The following PLA2G5 variants were observed in gnomAD, a reference collection of about 807,000 sequenced individuals.
PLA2G5 encodes the protein Ca2+-dependent phospholipase A2.
A neutral mutation model predicts 15.9 loss-of-function variants in PLA2G5; 12 were observed. The ratio of observed to expected loss-of-function variants is 0.76; its 90% confidence interval spans 0.48 to 1.23. The LOEUF (loss-of-function observed/expected upper bound fraction) is 1.23, where lower values mean the gene tolerates loss of function less well. PLA2G5 is among the 50% of genes most tolerant of loss of function. The probability of loss-of-function intolerance (pLI) is 0.00; values close to 1 mark genes in which losing one functional copy is unlikely to be tolerated. For synonymous variants in PLA2G5, 71 were observed against 71.4 expected, an observed-to-expected ratio of 0.99 and a Z score of 0.03; for missense variants, 169 against 177.1, an observed-to-expected ratio of 0.95 and a Z score of 0.26.
chr1:20,050,587 T>A (rs2014133304), intron 1 of PLA2G5, among the ~76,000 whole-genome samples: 1 of 152,218 alleles, frequency 6.6e-6, no homozygotes, highest in African/African-American at 2.4e-5. Flanking sequence ...AATTTTATGG[T>A]CAAGATTAAA....
chr1:20,039,450 A>G (rs2013466226), intron 1 of PLA2G5, among the ~76,000 whole-genome samples: 1 of 152,212 alleles, frequency 6.6e-6, no homozygotes, highest in South Asian at 2.1e-4. Context: ...CAGGAATTAC[A>G]CTTGGAGAAC....
chr1:20,081,695 C>T (rs1046453499), intron 1 of PLA2G5, among the ~76,000 whole-genome samples: 1 of 151,704 alleles, frequency 6.6e-6, no homozygotes, highest in Non-Finnish European at 1.5e-5. Context: ...AAAGGTGGCC[C>T]GGGTGTACCA....
In PLA2G5 at chr1:20,086,013, T is replaced by C. The variant is rs1428798790; in HGVS notation, c.41-70T>C. 37 of 1,521,250 alleles carry C rather than the reference T, an allele frequency of 2.4e-5. No individual in the cohort carries two copies. In the Admixed American group the frequency reaches 5.6e-4, roughly 23 times the overall value. 94.2% of individuals were successfully genotyped at this position (1,521,250 alleles called of 1,614,324 possible). A position where few individuals can be genotyped will look rare whatever the true frequency, so the allele number is the denominator to read the frequency against. ...CCTGGGTGGGAGAAAGGGTAGGAGA[T>C]GTTGGGCAGTGGGCCTAAAGCAGGG... On this transcript the variant is annotated intron_variant, in intron 2 of 4. Transcript: ENST00000375108.
intron 1 of PLA2G5, among the ~76,000 whole-genome samples, chr1:20,031,042 A>G (rs2012898027): frequency 6.6e-6 from 1 of 152,142 alleles, no homozygotes; most frequent in Admixed American, 6.5e-5. Flanking sequence ...TCCCCTGTGA[A>G]GGCTTGTTGG....
chr1:20,064,610 A>G (rs1277936878), intron 2 of PLA2G5, among the ~76,000 whole-genome samples: 2 of 150,872 alleles, frequency 1.3e-5, no homozygotes, highest in African/African-American at 4.9e-5. Flanking sequence ...AACAGAATAC[A>G]AGGTCAGGCA....
chr1:20,071,001 C>G (rs1421259210), intron 1 of PLA2G5: 1 of 152,384 alleles, frequency 6.6e-6, no homozygotes, highest in African/African-American at 2.4e-5. Flanking sequence ...CTCCCTCTCT[C>G]TCTCTCTCGC....
intron 1 of PLA2G5, among the ~76,000 whole-genome samples, chr1:20,039,137 C>A (rs1489711217): frequency 1.3e-5 from 2 of 152,174 alleles, no homozygotes; most frequent in African/African-American, 2.4e-5. Context: ...GAGCAAGAAT[C>A]TGTGACTGAG....
chr1:20,043,837 C>T (rs1366737816), intron 1 of PLA2G5, among the ~76,000 whole-genome samples: 3 of 152,044 alleles, frequency 2.0e-5, no homozygotes, highest in Admixed American at 2.0e-4. Flanking sequence ...AGAGGGTAGC[C>T]CCCATATCAA....
intron 4 of PLA2G5, 38 bp from the exon 5 acceptor site, chr1:20,090,530 C>T: frequency 6.2e-7 from 1 of 1,612,794 alleles, no homozygotes; most frequent in Non-Finnish European, 8.5e-7. Context: ...GGAGCATGCT[C>T]TTCCCACCCT....
chr1:20,075,617 T>C (rs1407630914), intron 1 of PLA2G5, among the ~76,000 whole-genome samples: 1 of 152,202 alleles, frequency 6.6e-6, no homozygotes, highest in Non-Finnish European at 1.5e-5. Context: ...CAGTCCATGG[T>C]GTGCAGCTTG....
intron 1 of PLA2G5, among the ~76,000 whole-genome samples, chr1:20,045,817 T>C (rs2013874339): frequency 6.6e-6 from 1 of 152,192 alleles, no homozygotes; most frequent in African/African-American, 2.4e-5. Context: ...TGCACCCAGA[T>C]GAAATAAACA....
chr1:20,051,221 C>T (rs150256117), intron 1 of PLA2G5, among the ~76,000 whole-genome samples: 212 of 152,242 alleles, frequency 1.4e-3, no homozygotes, highest in African/African-American at 4.9e-3. Flanking sequence ...TTTAGGTCCT[C>T]TTTAGAAGAT....
intron 1 of PLA2G5, among the ~76,000 whole-genome samples, chr1:20,076,111 C>CA (rs2015659949): frequency 6.6e-6 from 1 of 152,040 alleles, no homozygotes; most frequent in Non-Finnish European, 1.5e-5. Flanking sequence ...GACCTCAATT[C>CA]GGGCCTGCCT....
At chr1:20,074,357 G>A (rs1357311633) in intron 1 of PLA2G5, among the ~76,000 whole-genome samples, 1 of 152,304 alleles carries the variant, frequency 6.6e-6, no homozygotes, top group Non-Finnish European at 1.5e-5. Flanking sequence ...ACAGGGCAGG[G>A]AGCACAAAAT....
At chr1:20,071,876 C>T (rs990191068) in intron 1 of PLA2G5, among the ~76,000 whole-genome samples, 16 of 152,042 alleles carry the variant, frequency 1.1e-4, no homozygotes, top group African/African-American at 2.9e-4. Context: ...GGGAGGCCGA[C>T]GTGGGTGGAT....
chr1:20,033,117 C>G (rs1044082819), intron 1 of PLA2G5, among the ~76,000 whole-genome samples: 7 of 152,168 alleles, frequency 4.6e-5, no homozygotes, highest in Admixed American at 2.0e-4. Flanking sequence ...GGATGGGCAA[C>G]TAGCTCCTCT....
At chr1:20,047,424 A>AGCACTCT (rs1156715505) in intron 1 of PLA2G5, among the ~76,000 whole-genome samples, 4 of 152,238 alleles carry the variant, frequency 2.6e-5, no homozygotes, top group Admixed American at 2.6e-4. Context: ...CTCCTCTGTG[A>AGCACTCT]GCACTCTGTA....
intron 2 of PLA2G5, among the ~76,000 whole-genome samples, chr1:20,064,742 AAG>A (rs1221016032): frequency 6.6e-6 from 1 of 152,158 alleles, no homozygotes; most frequent in African/African-American, 2.4e-5. Flanking sequence ...ATAAAAGAAA[AAG>A]AAAGAAAACA....
At chr1:20,046,638 T>C (rs2013920864) in intron 1 of PLA2G5, among the ~76,000 whole-genome samples, 1 of 152,140 alleles carries the variant, frequency 6.6e-6, no homozygotes, top group African/African-American at 2.4e-5. Context: ...ATGGGCAGAT[T>C]CTTCTTAGGT....
Sources: gnomAD v4.1 joint callset for allele counts (sites outside exome capture counted in the v4.1 genomes callset) on GRCh38, gnomAD v4.1.1 for gene constraint, MANE v1.5 for transcripts, NCBI Gene and HGNC (gene_info 2026-07-23, HGNC 2026-07-21) for gene names.